CSMD3: variants seen among roughly 807,000 people sequenced by gnomAD.
The protein encoded by CSMD3 is CUB and Sushi multiple domains 3, also known as CUB and sushi domain-containing protein 3.
A neutral mutation model predicts 435.2 loss-of-function variants in CSMD3; 177 were observed. The observed-to-expected ratio is 0.41, with a 90% CI of 0.36 to 0.46. CSMD3 has a LOEUF of 0.46. Among genes scored for constraint, CSMD3 ranks in the 20% least tolerant of loss-of-function variants. The pLI, the probability that CSMD3 is intolerant of heterozygous loss-of-function variation, is 0.34. For synonymous variants in CSMD3, 1,656 were observed against 1,520.5 expected, an observed-to-expected ratio of 1.09 and a Z score of -2.07; for missense variants, 4,265 against 4,504.6, an observed-to-expected ratio of 0.95 and a Z score of 1.52.
intron 3 of CSMD3, among the ~76,000 whole-genome samples, chr8:113,246,058 T>C (rs2093273077): frequency 6.6e-6 from 1 of 152,000 alleles, no homozygotes; most frequent in Non-Finnish European, 1.5e-5. Flanking sequence ...TTTTGATAAT[T>C]TGTAATTTAT....
intron 5 of CSMD3, among the ~76,000 whole-genome samples, chr8:113,029,371 C>G (rs200767528): frequency 6.6e-6 from 1 of 151,482 alleles, no homozygotes; most frequent in Admixed American, 6.6e-5. Context: ...ATGCTAAAAT[C>G]TGTAACAAAA....
chr8:113,019,643 T>C (rs747573346), intron 5 of CSMD3, among the ~76,000 whole-genome samples: 6 of 148,810 alleles, frequency 4.0e-5, no homozygotes, highest in Non-Finnish European at 7.4e-5. Context: ...GCTTCTCATA[T>C]ATGTATTGAT....
At chr8:112,493,907 T>A (rs1176535822) in intron 30 of CSMD3, among the ~76,000 whole-genome samples, 1 of 152,110 alleles carries the variant, frequency 6.6e-6, no homozygotes, top group East Asian at 1.9e-4. Context: ...TGTAGTGATT[T>A]TCTACATCAG....
chr8:113,164,350 A>G (rs910976225), intron 4 of CSMD3, among the ~76,000 whole-genome samples: 24 of 151,642 alleles, frequency 1.6e-4, no homozygotes, highest in Non-Finnish European at 5.9e-5. Context: ...AGCTTTGAAT[A>G]CTATAGTAAC....
intron 27 of CSMD3, among the ~76,000 whole-genome samples, chr8:112,548,884 T>C (rs1827427278): frequency 6.6e-6 from 1 of 152,152 alleles, no homozygotes; most frequent in Admixed American, 6.6e-5. Flanking sequence ...AAGGCAGAGT[T>C]ATTAAAGCTC....
chr8:112,752,922 TGTG>T (rs2077606516), intron 13 of CSMD3, among the ~76,000 whole-genome samples: 1 of 151,600 alleles, frequency 6.6e-6, no homozygotes, highest in Non-Finnish European at 1.5e-5. Context: ...TGTGTGTGTG[TGTG>T]TGTGTGTGTG....
intron 14 of CSMD3, among the ~76,000 whole-genome samples, chr8:112,689,503 T>G (rs1206138249): frequency 6.6e-6 from 1 of 152,052 alleles, no homozygotes; most frequent in Non-Finnish European, 1.5e-5. Context: ...TATTTTAATG[T>G]TTTTGATTGC....
chr8:112,476,058 T>A (rs1332705171), intron 31 of CSMD3, among the ~76,000 whole-genome samples: 2 of 152,138 alleles, frequency 1.3e-5, no homozygotes, highest in Admixed American at 1.3e-4. Flanking sequence ...TTATTTTTAT[T>A]TTTTGAGACC....
chr8:112,440,488 G>A (rs1028120170), intron 32 of CSMD3, among the ~76,000 whole-genome samples: 4 of 152,046 alleles, frequency 2.6e-5, no homozygotes, highest in Non-Finnish European at 5.9e-5. Flanking sequence ...CTGCAGGATG[G>A]TCGTCTTCTC....
chr8:112,621,201 C>T (rs1226371609), intron 22 of CSMD3, among the ~76,000 whole-genome samples: 1 of 152,008 alleles, frequency 6.6e-6, no homozygotes, highest in Non-Finnish European at 1.5e-5. Flanking sequence ...TGCCATTGCA[C>T]TCCAGCCTGG....
intron 27 of CSMD3, among the ~76,000 whole-genome samples, chr8:112,530,936 T>C (rs1239784306): frequency 2.0e-5 from 3 of 152,138 alleles, no homozygotes; most frequent in Non-Finnish European, 1.5e-5. Flanking sequence ...AGCAATTCTG[T>C]AGTGACCATG....
chr8:113,282,380 T>G (rs192607433), intron 2 of CSMD3, among the ~76,000 whole-genome samples: 1 of 152,068 alleles, frequency 6.6e-6, no homozygotes, highest in African/African-American at 2.4e-5. Flanking sequence ...CAGCAAAGTT[T>G]CCATATACAA....
Position 112,383,601 on chromosome 8 carries a change from TC to T in CSMD3, c.5996del (p.Gly1999GlufsTer20), listed in dbSNP as rs1449334722. On this transcript the variant is annotated frameshift_variant, in exon 37 of 71. Transcript: ENST00000297405. LOFTEE classifies it high-confidence loss of function. ...NWDSLDFYDG[G>X]DNNAPRLGSY... ...TTCCAAGTCTTGGAGCATTGTTGTC[TC>T]CCCCATCATAAAAGTCCAGAGAATC... 1.2e-6 allele frequency: 2 copies of T among 1,605,528 alleles called. No individual in the cohort carries two copies. Among genetic ancestry groups the T allele is most frequent in the Non-Finnish European group, 8.5e-7 (1 of 1,172,446 alleles).
chr8:113,330,649 C>A (rs1363604899), intron 1 of CSMD3, among the ~76,000 whole-genome samples: 1 of 151,694 alleles, frequency 6.6e-6, no homozygotes, highest in African/African-American at 2.4e-5. Flanking sequence ...GAGTGGCTAA[C>A]CTCATATCAT....
chr8:113,338,190 C>T (rs2094091533), intron 1 of CSMD3, among the ~76,000 whole-genome samples: 1 of 151,744 alleles, frequency 6.6e-6, no homozygotes. Flanking sequence ...TTAAAAATAA[C>T]TCAGGAAATG....
intron 6 of CSMD3, among the ~76,000 whole-genome samples, chr8:112,980,242 A>C (rs112395656): frequency 0.047 from 7,133 of 150,952 alleles, 231 homozygotes; most frequent in Non-Finnish European, 0.069. Context: ...AAAATAAAAA[A>C]CAGAATATAT....
At chr8:112,512,784 G>C (rs1823268496) in intron 28 of CSMD3, among the ~76,000 whole-genome samples, 1 of 152,180 alleles carries the variant, frequency 6.6e-6, no homozygotes, top group Non-Finnish European at 1.5e-5. Flanking sequence ...TATTCGAATA[G>C]AATGCTGTTT....
intron 38 of CSMD3, among the ~76,000 whole-genome samples, chr8:112,369,198 T>C (rs1828079522): frequency 6.6e-6 from 1 of 152,104 alleles, no homozygotes; most frequent in African/African-American, 2.4e-5. Flanking sequence ...AATAGTTTTC[T>C]TTGCTTTTAT....
chr8:112,701,305 T>C (rs1009835012), intron 13 of CSMD3, among the ~76,000 whole-genome samples: 3 of 152,162 alleles, frequency 2.0e-5, no homozygotes, highest in Non-Finnish European at 4.4e-5. Context: ...AGGGGATTGC[T>C]GAATACTATA....
Sources: gnomAD v4.1 joint callset for allele counts (sites outside exome capture counted in the v4.1 genomes callset) on GRCh38, gnomAD v4.1.1 for gene constraint, MANE v1.5 for transcripts, NCBI Gene and HGNC (gene_info 2026-07-23, HGNC 2026-07-21) for gene names.